Variants in NAV3 observed in about 807,000 individuals in gnomAD.
NAV3 encodes neuron navigator 3.
NAV3 carries 87 observed loss-of-function variants against 244.7 expected under a neutral mutation model. The observed-to-expected ratio is 0.36, with a 90% CI of 0.30 to 0.42. The LOEUF (loss-of-function observed/expected upper bound fraction) is 0.42. NAV3 is among the 20% of genes least tolerant of loss of function. The pLI is 1.00. For missense variants in NAV3, 2,663 were observed against 2,893.3 expected, an observed-to-expected ratio of 0.92 and a Z score of 1.83; for synonymous variants, 1,126 against 1,042.2, an observed-to-expected ratio of 1.08 and a Z score of -1.55.
chr12:78,067,285 T>C (rs192054931), intron 12 of NAV3, among the ~76,000 whole-genome samples: 1 of 152,186 alleles, frequency 6.6e-6, no homozygotes, highest in Admixed American at 6.6e-5. Context: ...CAATAAAGAT[T>C]AACAGGCTGA....
intron 1 of NAV3, among the ~76,000 whole-genome samples, chr12:77,835,521 T>C (rs1290009914): frequency 3.9e-5 from 6 of 152,198 alleles, no homozygotes; most frequent in Admixed American, 3.9e-4. Context: ...ATGCCATCAT[T>C]CCAGTCATCT....
chr12:78,075,896 A>G (rs751944455), intron 12 of NAV3, among the ~76,000 whole-genome samples: 11 of 152,198 alleles, frequency 7.2e-5, no homozygotes, highest in Non-Finnish European at 2.9e-5. Flanking sequence ...GTTCAAATCC[A>G]GTGGGAGAGA....
intron 12 of NAV3, among the ~76,000 whole-genome samples, chr12:78,061,222 C>T (rs1884278731): frequency 6.6e-6 from 1 of 152,136 alleles, no homozygotes; most frequent in South Asian, 2.1e-4. Context: ...TCAAGCATCA[C>T]TATATTAAGT....
intron 30 of NAV3, 68 bp from the exon 31 acceptor site, chr12:78,185,533 G>A: frequency 1.5e-6 from 2 of 1,337,312 alleles, no homozygotes; most frequent in Non-Finnish European, 2.1e-6. Context: ...AGGGAGAAAA[G>A]AATGACAGTA....
chr12:78,165,540 T>C (rs1957745224), intron 23 of NAV3, among the ~76,000 whole-genome samples: 1 of 151,904 alleles, frequency 6.6e-6, no homozygotes, highest in Non-Finnish European at 1.5e-5. Context: ...TAGTTAGCTA[T>C]CTTGGGAATT....
intron 1 of NAV3, among the ~76,000 whole-genome samples, chr12:77,861,725 A>G (rs1356394823): frequency 1.3e-5 from 2 of 151,720 alleles, no homozygotes; most frequent in East Asian, 3.9e-4. Context: ...AAAAACAGAA[A>G]TCTTAGGGGA....
At chr12:77,847,573 C>T (rs1168370944) in intron 1 of NAV3, among the ~76,000 whole-genome samples, 1 of 152,078 alleles carries the variant, frequency 6.6e-6, no homozygotes, top group Non-Finnish European at 1.5e-5. Flanking sequence ...TGGAGAGTGC[C>T]CCAGGTGCTG....
intron 9 of NAV3, among the ~76,000 whole-genome samples, chr12:78,046,155 CTATTT>C (rs1329489122): frequency 6.6e-6 from 1 of 152,106 alleles, no homozygotes; most frequent in African/African-American, 2.4e-5. Flanking sequence ...AGCAGTCTAT[CTATTT>C]TGTTAATCTT....
At chr12:77,994,916 A>G in intron 6 of NAV3, 45 bp downstream of exon 6, 1 of 1,314,172 alleles carries the variant, frequency 7.6e-7, no homozygotes, top group Non-Finnish European at 1.1e-6. Flanking sequence ...TGATATGCAA[A>G]TAAATACCCA....
At chr12:77,714,534 C>T (rs747445406) in intron 2 of NAV3, among the ~76,000 whole-genome samples, 32 of 152,046 alleles carry the variant, frequency 2.1e-4, no homozygotes, top group Non-Finnish European at 3.2e-4. Context: ...TGTCTTACTC[C>T]GCCAGTAATT....
Position 77,831,635 on chromosome 12 carries a change from A to C in NAV3, c.174A>C (p.Leu58Phe), listed in dbSNP as rs1316466764. The stretch of plus-strand genomic sequence containing the variant: ...CCATGCTTTCTTGTCAGCTTGCGTT[A>C]AAATCAACCTGTGAATTTGGAGAGA... The part of the protein sequence containing the change: ...ESSMLSCQLA[L>F]KSTCEFGEKK... Residue 58 changes from leucine to phenylalanine, a missense_variant, in exon 1 of 40, where the codon TTA becomes TTC. Around this residue, in one of 6 missense-constraint regions of NAV3, gnomAD observed 1,521 missense variants for 1,497.0 expected, o/e 1.02. Coordinates refer to ENST00000397909, the MANE Select transcript of NAV3 (RefSeq NM_001024383.2). 6.2e-7 allele frequency: 1 copy of C among 1,613,934 alleles called. No individual in the cohort carries two copies. The highest frequency in any genetic ancestry group is 8.5e-7 in the Non-Finnish European group (1 of 1,179,946).
At chr12:77,718,243 T>G (rs1876450920) in intron 2 of NAV3, among the ~76,000 whole-genome samples, 1 of 152,226 alleles carries the variant, frequency 6.6e-6, no homozygotes, top group Non-Finnish European at 1.5e-5. Context: ...TTTGAGTTAA[T>G]TTTTTGTACT....
At position 78,210,568 on chromosome 12, in the gene NAV3, A is replaced by G; in HGVS notation, c.*51A>G. On this transcript the variant is annotated 3_prime_UTR_variant, in exon 40 of 40. Transcript: ENST00000397909. ...ACTTTGCTTTTAAAAAAATGTTTCA[A>G]AAGAAAGGTATTTTCACTAAACCAC... 6.3e-7 allele frequency: 1 copy of G among 1,598,058 alleles called. No homozygotes were observed. Among genetic ancestry groups the G allele is most frequent in the African/African-American group, 1.4e-5 (1 of 73,944 alleles).
intron 22 of NAV3, among the ~76,000 whole-genome samples, chr12:78,154,277 C>T (rs1281335879): frequency 1.4e-5 from 1 of 71,146 alleles, no homozygotes; most frequent in Non-Finnish European, 3.0e-5. Context: ...GTATATATTA[C>T]TATATATACT....
chr12:78,089,647 C>A (rs967639217), intron 12 of NAV3, among the ~76,000 whole-genome samples: 3 of 152,008 alleles, frequency 2.0e-5, no homozygotes, highest in Non-Finnish European at 4.4e-5. Flanking sequence ...GTTACAGGAT[C>A]AAGAATGGAA....
chr12:77,758,163 C>G (rs1380602581), intron 2 of NAV3, among the ~76,000 whole-genome samples: 1 of 152,118 alleles, frequency 6.6e-6, no homozygotes, highest in African/African-American at 2.4e-5. Context: ...TCAGAGATGC[C>G]TGTGACCATT....
chr12:77,620,774 C>G (rs534115329), intron 2 of NAV3, among the ~76,000 whole-genome samples: 1 of 151,994 alleles, frequency 6.6e-6, no homozygotes, highest in African/African-American at 2.4e-5. Context: ...TCTTGTGCTG[C>G]TAGGAAAAAG....
chr12:77,891,092 T>A (rs1369289047), intron 1 of NAV3, among the ~76,000 whole-genome samples: 3 of 151,866 alleles, frequency 2.0e-5, no homozygotes, highest in Non-Finnish European at 4.4e-5. Flanking sequence ...ATATTAGAAG[T>A]TTTTCTTGGT....
intron 2 of NAV3, among the ~76,000 whole-genome samples, chr12:77,581,828 T>C (rs889622092): frequency 1.8e-4 from 27 of 152,338 alleles, no homozygotes; most frequent in African/African-American, 6.3e-4. Flanking sequence ...TCTGCATTTA[T>C]GGGGTACCTA....
Sources: gnomAD v4.1 joint callset for allele counts (sites outside exome capture counted in the v4.1 genomes callset) on GRCh38, gnomAD v4.1.1 for gene constraint, gnomAD v4.1.1 regional missense constraint, MANE v1.5 for transcripts, NCBI Gene and HGNC (gene_info 2026-07-23, HGNC 2026-07-21) for gene names.